ANKRD53: variants seen among roughly 807,000 people sequenced by gnomAD.
ANKRD53 encodes the protein ankyrin repeat domain 53.
ANKRD53 carries 27 observed loss-of-function variants against 30.1 expected under a neutral mutation model. That is an observed-to-expected ratio of 0.90 (90% CI 0.66 to 1.24). The LOEUF is 1.24. ANKRD53 is among the 50% of genes most tolerant of loss of function. The pLI is 0.00. For synonymous variants in ANKRD53, 286 were observed against 295.4 expected, an observed-to-expected ratio of 0.97 and a Z score of 0.33; for missense variants, 682 against 721.0, an observed-to-expected ratio of 0.95 and a Z score of 0.62.
chr2:70,979,559 A>G (rs1298118424), intron 2 of ANKRD53, 102 bp from the exon 3 acceptor site: 1 of 1,423,336 alleles, frequency 7.0e-7, no homozygotes, highest in East Asian at 2.5e-5. Context: ...TCCTGGGGAC[A>G]CAGGGAAGAA....
Position 70,979,157 on chromosome 2 carries a change from G to C in ANKRD53, c.231G>C (p.Pro77=), listed in dbSNP as rs144533261. ...CGCAGGCGACTGCCCTCGCCAGGCC[G>C]CGCCGCCCTGCCTCGCTCACCCCGC... ...LSAQATALAR[P]RRPASLTPPR... The change falls in exon 2 of 6, where the codon CCG becomes CCC. Residue 77 remains proline (P), a synonymous_variant. Transcript: ENST00000360589. 118 of 1,610,604 alleles carry C rather than the reference G, an allele frequency of 7.3e-5. No homozygotes were observed. In the African/African-American group the frequency reaches 1.4e-3, roughly 19 times the overall value.
At position 70,982,650 on chromosome 2, in the gene ANKRD53, A is replaced by G. The variant is rs375040768; in HGVS notation, c.856A>G (p.Lys286Glu). The change falls in exon 5 of 6, where the codon AAG becomes GAG. Residue 286 changes from lysine (K) to glutamate (E), a missense_variant. Lys to Glu is a moderately conservative substitution (Grantham distance 56, BLOSUM62 1). Transcript: ENST00000360589. The surrounding 1 kb of genome is among the most constrained non-coding windows in gnomAD (Gnocchi z 4.2). Reference sequence around the variant, plus strand: ...TGAGATGACGAAAATGAAGATGTTCAAGAGCCAGCTGACCCTCATGGAGCA... The same window carrying G: ...TGAGATGACGAAAATGAAGATGTTCGAGAGCCAGCTGACCCTCATGGAGCA... ...AREMTKMKMF[K>E]SQLTLMEHNY... The G allele has an allele frequency of 7.4e-6, 12 of 1,614,074 alleles. No individual in the cohort carries two copies. The Admixed American group carries it at 8.3e-5, about 11-fold the overall frequency.
chr2:70,985,126 C>T lies in ANKRD53; in HGVS notation c.1419C>T (p.Gly473=). 1 of 1,551,160 alleles carries T rather than the reference C, an allele frequency of 6.4e-7. No individual in the cohort carries two copies. The highest frequency in any genetic ancestry group is 8.7e-7 in the Non-Finnish European group (1 of 1,146,944). The stretch of plus-strand genomic sequence containing the variant: ...CATACAGAATGAAGGTGCCCCAGGG[C>T]TTTTACCCCATCAGCATGAGGGAAG... ...VWPYRMKVPQ[G]FYPISMREVP... The change falls in exon 6 of 6, where the codon GGC becomes GGT. Residue 473 remains glycine (G), a synonymous_variant. Transcript: ENST00000360589.
intron 3 of ANKRD53, 122 bp downstream of exon 3, chr2:70,979,982 C>A: frequency 8.5e-7 from 1 of 1,176,368 alleles, no homozygotes. Context: ...AGGATTGGGT[C>A]CCACATAAAG....
intron 2 of ANKRD53, 62 bp from the exon 3 acceptor site, chr2:70,979,599 A>T: frequency 6.6e-7 from 1 of 1,519,958 alleles, no homozygotes; most frequent in East Asian, 2.4e-5. Flanking sequence ...AATTTATATA[A>T]ATTGTGGACC....
rs782496919 is a variant in ANKRD53 at position 70,979,202 on chromosome 2, C to T, written c.276C>T (p.Pro92=). 2.5e-6 allele frequency: 4 copies of T among 1,613,234 alleles called. No homozygotes were observed. Among genetic ancestry groups the T allele is most frequent in the Non-Finnish European group, 3.4e-6 (4 of 1,179,952 alleles). Residue 92 remains proline (P), a synonymous_variant, in exon 2 of 6, where the codon CCC becomes CCT. Transcript: ENST00000360589. ...SLTPPRADPS[P]SKESDQTAID... The stretch of plus-strand genomic sequence containing the variant: ...CCCCGCCCCGCGCTGACCCCAGCCC[C>T]AGCAAGGAGTCCGACCAGACGGCAA...
chr2:70,980,906 A>G (rs1238753966), intron 3 of ANKRD53, among the ~76,000 whole-genome samples: 2 of 152,084 alleles, frequency 1.3e-5, no homozygotes, highest in Non-Finnish European at 2.9e-5. Context: ...AGATCGTGCC[A>G]CTGCACTCCA....
In ANKRD53 at chr2:70,978,709, G is replaced by A. The variant is rs782640462; in HGVS notation, c.64G>A (p.Glu22Lys). The change falls in exon 1 of 6, where the codon GAA (glutamate) becomes AAA (lysine). Residue 22 changes from glutamate (E) to lysine (K), a missense_variant. By Grantham distance (56) the Glu-to-Lys change is moderately conservative (BLOSUM62 1). Coordinates refer to ENST00000360589, the MANE Select transcript of ANKRD53 (RefSeq NM_001115116.2). The surrounding 1 kb of genome is among the most constrained non-coding windows in gnomAD (Gnocchi z 4.3). ...CGGAAGCTGGCACTCAGAAAGGGGA[G>A]AAGGGAGAGGTGCTCGGCCGCAGCC... ...GSGSWHSERG[E>K]GRGARPQPTP... 1.4e-5 allele frequency: 21 copies of A among 1,548,986 alleles called. No homozygotes were observed. Among genetic ancestry groups the A allele is most frequent in the Non-Finnish European group, 1.7e-5 (20 of 1,146,646 alleles).
chr2:70,982,298 C>G lies in ANKRD53; in HGVS notation c.782+198C>G. ...GGCTTGGGGGTAAGTCTGCCCAGGT[C>G]CCCTGCTCTCTGGGTTGATCACTGC... is the stretch of plus-strand genomic sequence containing the variant. On this transcript the variant is annotated intron_variant, in intron 4 of 5. Transcript: ENST00000360589. This position sits in a 1 kb window ranked among gnomAD's most constrained non-coding sequence, Gnocchi z 4.2. 2.7e-6 allele frequency: 2 copies of G among 754,248 alleles called. No homozygotes were observed. The highest frequency in any genetic ancestry group is 4.1e-6 in the Non-Finnish European group (2 of 483,270). 46.7% of individuals were successfully genotyped at this position (754,248 alleles called of 1,614,324 possible). A position where few individuals can be genotyped will look rare whatever the true frequency, so the allele number is the denominator to read the frequency against.
At chr2:70,984,354 C>T (rs868991551) in intron 5 of ANKRD53, 3 of 1,596,736 alleles carry the variant, frequency 1.9e-6, no homozygotes, top group African/African-American at 2.7e-5. Context: ...TGGAGATCCC[C>T]CCTTTGGGAG....
intron 3 of ANKRD53, among the ~76,000 whole-genome samples, chr2:70,980,353 A>G (rs1451218331): frequency 6.6e-6 from 1 of 150,994 alleles, no homozygotes; most frequent in Non-Finnish European, 1.5e-5. Flanking sequence ...GGCCTTTAAC[A>G]GACCTAGTCT....
Position 70,979,266 on chromosome 2 carries a change from G to C in ANKRD53, c.340G>C (p.Ala114Pro). ...TAIGSYYQLF[A>P]AAVGNVEWLR... ...GATCGGGAGCTACTACCAGCTGTTCGCAGCGGCTGTGGGCAACGTGGAATG... is the reference window on the plus strand; with the variant it reads ...GATCGGGAGCTACTACCAGCTGTTCCCAGCGGCTGTGGGCAACGTGGAATG... Residue 114 changes from alanine (A) to proline (P), a missense_variant, in exon 2 of 6, where the codon GCA (alanine) becomes CCA (proline). Coordinates refer to ENST00000360589, the MANE Select transcript of ANKRD53 (RefSeq NM_001115116.2). The C allele has an allele frequency of 6.2e-7, 1 of 1,613,746 alleles. No individual in the cohort carries two copies. Among genetic ancestry groups the C allele is most frequent in the Non-Finnish European group, 8.5e-7 (1 of 1,180,032 alleles).
chr2:70,982,669 T>C lies in ANKRD53; in HGVS notation c.875T>C (p.Met292Thr), dbSNP rs369415963. 7.4e-5 allele frequency: 120 copies of C among 1,613,852 alleles called. 1 individual carries two copies. The South Asian group carries it at 1.3e-3, about 17-fold the overall frequency. Reference protein sequence around the residue: ...MKMFKSQLTLMEHNYLIEYQK... With the variant: ...MKMFKSQLTLTEHNYLIEYQK... ...ATGTTCAAGAGCCAGCTGACCCTCATGGAGCACAACTACCTGATTGAGTAT... is the reference window on the plus strand; with the variant it reads ...ATGTTCAAGAGCCAGCTGACCCTCACGGAGCACAACTACCTGATTGAGTAT... Residue 292 changes from methionine to threonine, a missense_variant, in exon 5 of 6, where the codon ATG becomes ACG. By Grantham distance (81) the Met-to-Thr change is moderately conservative. Coordinates refer to ENST00000360589, the MANE Select transcript of ANKRD53 (RefSeq NM_001115116.2). This position sits in a 1 kb window ranked among gnomAD's most constrained non-coding sequence, Gnocchi z 4.2.
intron 5 of ANKRD53, chr2:70,984,201 C>T (rs374123467): frequency 3.1e-6 from 5 of 1,614,100 alleles, no homozygotes; most frequent in Middle Eastern, 1.6e-4. Flanking sequence ...GGACATTTCT[C>T]TACTATCAGA....
At position 70,985,147 on chromosome 2, in the gene ANKRD53, G is replaced by A; in HGVS notation, c.1440G>A (p.Arg480=). 1.3e-6 allele frequency: 2 copies of A among 1,551,336 alleles called. No individual in the cohort carries two copies. The highest frequency in any genetic ancestry group is 1.7e-6 in the Non-Finnish European group (2 of 1,146,938). ...AGGGCTTTTACCCCATCAGCATGAG[G>A]GAAGTGCCCAGGAAGCGGCACCTGG... The part of the protein sequence containing the change: ...VPQGFYPISM[R]EVPRKRHLGD... Residue 480 remains arginine (R), a synonymous_variant, in exon 6 of 6, where the codon AGG becomes AGA. Coordinates refer to ENST00000360589, the MANE Select transcript of ANKRD53 (RefSeq NM_001115116.2).
intron 3 of ANKRD53, among the ~76,000 whole-genome samples, chr2:70,980,812 G>T (rs1240043971): frequency 2.0e-5 from 3 of 151,666 alleles, no homozygotes; most frequent in African/African-American, 7.3e-5. Flanking sequence ...CGGGCGTAGT[G>T]GCGGGTGCCT....
Position 70,978,902 on chromosome 2 carries a change from G to A in ANKRD53, c.170+87G>A. 6.8e-7 allele frequency: 1 copy of A among 1,466,494 alleles called. No homozygotes were observed. Among genetic ancestry groups the A allele is most frequent in the Non-Finnish European group, 9.0e-7 (1 of 1,107,146 alleles). The allele number at this position is 1,466,494 out of a possible 1,614,324, so 90.8% of individuals were successfully genotyped here. ...GGTGGGCAGGGCCTGGAGCGGGCGG[G>A]GGCGGAGGCTGCGGCCCGAGAAGCC... On this transcript the variant is annotated intron_variant, in intron 1 of 5. Transcript: ENST00000360589. This position sits in a 1 kb window ranked among gnomAD's most constrained non-coding sequence, Gnocchi z 4.3.
In ANKRD53 at chr2:70,985,499, A is replaced by G; in HGVS notation, c.*199A>G. 1.8e-6 allele frequency: 1 copy of G among 556,760 alleles called. No homozygotes were observed. The highest frequency in any genetic ancestry group is 2.3e-5 in the South Asian group (1 of 43,818). 34.5% of individuals were successfully genotyped at this position (556,760 alleles called of 1,614,324 possible). A position where few individuals can be genotyped will look rare whatever the true frequency, so the allele number is the denominator to read the frequency against. Reference sequence around the variant, plus strand: ...CAAATAAATCTCTTGGCACCCCCCCACCGCCGCCAGGAAATCCAAGTTAGG... The same window carrying G: ...CAAATAAATCTCTTGGCACCCCCCCGCCGCCGCCAGGAAATCCAAGTTAGG... On this transcript the variant is annotated 3_prime_UTR_variant, in exon 6 of 6. Transcript: ENST00000360589.
chr2:70,979,441 C>G (rs549048154), intron 2 of ANKRD53, 98 bp downstream of exon 2: 2 of 1,551,742 alleles, frequency 1.3e-6, no homozygotes, highest in Non-Finnish European at 1.7e-6. Flanking sequence ...CTGGGTAGAT[C>G]TTCCTAATTT....
Sources: allele counts gnomAD v4.1 joint callset (sites outside exome capture counted in the v4.1 genomes callset), GRCh38; gene constraint gnomAD v4.1.1; non-coding constraint Gnocchi (gnomAD v3.1); transcripts MANE v1.5; gene names NCBI Gene and HGNC (gene_info 2026-07-23, HGNC 2026-07-21).